TTLL11: variants seen among roughly 807,000 people sequenced by gnomAD.
TTLL11 encodes tubulin polyglutamylase TTLL11.
Under a neutral mutation model 51.7 loss-of-function variants are expected in TTLL11, and 42 were observed. The ratio of observed to expected loss-of-function variants is 0.81; its 90% CI spans 0.64 to 1.05. The LOEUF is 1.05. Ranked by LOEUF, TTLL11 falls within the 50% of genes least tolerant of loss-of-function variation. The probability of loss-of-function intolerance (pLI) is 0.00; values close to 1 mark genes in which losing one functional copy is unlikely to be tolerated. For synonymous variants in TTLL11, 381 were observed against 383.5 expected (o/e 0.99, Z 0.08); for missense variants, 799 against 940.4 (o/e 0.85, Z 1.97).
intron 8 of TTLL11, among the ~76,000 whole-genome samples, chr9:121,855,906 C>G (rs975857062): frequency 1.1e-4 from 16 of 152,218 alleles, no homozygotes; most frequent in Non-Finnish European, 2.2e-4. Flanking sequence ...TCTTAACCCT[C>G]ACAGCAACCT....
At chr9:121,896,702 G>A (rs1411755635) in intron 6 of TTLL11, among the ~76,000 whole-genome samples, 5 of 152,258 alleles carry the variant, frequency 3.3e-5, no homozygotes, top group African/African-American at 1.2e-4. Flanking sequence ...GGATGACTAC[G>A]CAGACCCTGG....
intron 6 of TTLL11, among the ~76,000 whole-genome samples, chr9:121,892,852 G>A (rs1045690038): frequency 3.3e-5 from 5 of 152,164 alleles, no homozygotes; most frequent in Non-Finnish European, 7.3e-5. Flanking sequence ...GAAGGAGGCC[G>A]CTGTGGGAGC....
intron 8 of TTLL11, among the ~76,000 whole-genome samples, chr9:121,826,897 G>A (rs1836826523): frequency 6.6e-6 from 1 of 152,054 alleles, no homozygotes. Context: ...CTGTGGGGCA[G>A]GGAGGCAGGG....
At chr9:122,018,746 C>G (rs1844071113) in intron 3 of TTLL11, among the ~76,000 whole-genome samples, 1 of 152,208 alleles carries the variant, frequency 6.6e-6, no homozygotes, top group African/African-American at 2.4e-5. Flanking sequence ...TTCAAATTGA[C>G]TTCACTATGT....
At chr9:122,003,592 C>T (rs1198428691) in intron 3 of TTLL11, among the ~76,000 whole-genome samples, 3 of 147,240 alleles carry the variant, frequency 2.0e-5, no homozygotes, top group African/African-American at 7.6e-5. Context: ...TCAAGCGATT[C>T]TCCTTCCTCA....
At chr9:122,092,563 C>T (rs904855262) in intron 1 of TTLL11, 124 bp downstream of exon 1, 2 of 1,450,856 alleles carry the variant, frequency 1.4e-6, no homozygotes, top group Non-Finnish European at 1.8e-6. Context: ...CAAGCAGGCC[C>T]GAGCGTGGTG....
At position 121,866,378 on chromosome 9, in the gene TTLL11, G is replaced by A. The variant is rs573774097; in HGVS notation, c.1733+4119C>T. Among the ~76,000 whole-genome samples, 3 of 152,238 alleles carry A rather than the reference G, an allele frequency of 2.0e-5. No individual in the cohort carries two copies. The South Asian group carries it at 6.2e-4, about 32-fold the overall frequency. On this transcript the variant is annotated intron_variant, in intron 7 of 8. Transcript: ENST00000321582. ...TGGCACATTTGAAAAAGAAAAATCC[G>A]GCCGGGTGCAGTGGTTCATGCCTGT...
At chr9:121,924,910 C>T (rs1332478985) in intron 6 of TTLL11, among the ~76,000 whole-genome samples, 1 of 151,938 alleles carries the variant, frequency 6.6e-6, no homozygotes, top group African/African-American at 2.4e-5. Flanking sequence ...TGGAAGTGAG[C>T]CAAAATGTCT....
rs558693909 is a variant in TTLL11, at chr9:121,981,709, C to A, written c.1270-6730G>T. On this transcript the variant is annotated intron_variant, in intron 4 of 8. Coordinates refer to ENST00000321582, the MANE Select transcript of TTLL11 (RefSeq NM_001139442.2). ...TTTTGGCAGTCAGTTATTTGCAAAT[C>A]AGCCTGATGCCTTCAAAGCCTTTTG... Among the ~76,000 whole-genome samples the A allele has an allele frequency of 3.9e-5, 6 of 152,290 alleles. No individual in the cohort carries two copies. The East Asian group carries it at 1.2e-3, about 29-fold the overall frequency.
Position 121,853,499 on chromosome 9 carries a change from T to C in TTLL11, c.1840+6838A>G, listed in dbSNP as rs1264760059. ...GCCTGAGGGGGCCGGCCATTCTGGC[T>C]GGAGTGAGTGTGAGGCTAGTGATGA... On this transcript the variant is annotated intron_variant, in intron 8 of 8. Coordinates refer to ENST00000321582, the MANE Select transcript of TTLL11 (RefSeq NM_001139442.2). This position sits in a 1 kb window ranked among gnomAD's most constrained non-coding sequence, Gnocchi z 5.6. 1.3e-5 allele frequency among the ~76,000 whole-genome samples: 2 copies of C among 151,978 alleles called. No individual in the cohort carries two copies. Among genetic ancestry groups the C allele is most frequent in the Admixed American group, 1.3e-4 (2 of 15,286 alleles).
At chr9:121,823,031 TCACA>T (rs974748580) in intron 8 of TTLL11, among the ~76,000 whole-genome samples, 152 bp from the exon 9 acceptor site, 2 of 152,152 alleles carry the variant, frequency 1.3e-5, no homozygotes, top group Admixed American at 6.5e-5. Flanking sequence ...GCTAACTCAC[TCACA>T]GAGTGCCCAC....
chr9:121,868,196 C>G (rs949536218), intron 7 of TTLL11, among the ~76,000 whole-genome samples: 4 of 152,126 alleles, frequency 2.6e-5, no homozygotes, highest in Admixed American at 2.6e-4. Context: ...TCATAATTCT[C>G]CGGGGCCCCA....
chr9:121,922,760 A>AGTGTGCGT (rs1840588332), intron 6 of TTLL11, among the ~76,000 whole-genome samples: 1 of 148,222 alleles, frequency 6.7e-6, no homozygotes, highest in Non-Finnish European at 1.5e-5. Flanking sequence ...ATATCTATTC[A>AGTGTGCGT]GTGTGTGTGT....
chr9:121,870,227 G>A (rs935678179), intron 7 of TTLL11, among the ~76,000 whole-genome samples: 2 of 152,256 alleles, frequency 1.3e-5, no homozygotes, highest in South Asian at 2.1e-4. Flanking sequence ...ATTAATATGC[G>A]TTTTCAGGAC....
chr9:121,870,730 T>C lies in TTLL11; in HGVS notation c.1500A>G (p.Lys500=), dbSNP rs898600880. ...AAGCATCTTCCTTTCCAGCGAATGG[T>C]TTTTCAAGCTGCTGAGACCTGAAGC... ...KRENQSQQLE[K]PFAGKEDALD... Residue 500 remains lysine, a synonymous_variant, in exon 7 of 9, where the codon AAA becomes AAG. Coordinates refer to ENST00000321582, the MANE Select transcript of TTLL11 (RefSeq NM_001139442.2). 3.2e-6 allele frequency: 5 copies of C among 1,548,038 alleles called. No homozygotes were observed. The Admixed American group carries it at 7.9e-5, about 24-fold the overall frequency.
At chr9:122,004,779 A>C (rs924470528) in intron 3 of TTLL11, among the ~76,000 whole-genome samples, 1 of 152,222 alleles carries the variant, frequency 6.6e-6, no homozygotes, top group Non-Finnish European at 1.5e-5. Context: ...TCTTTCCATG[A>C]CACCACGTTG....
intron 6 of TTLL11, among the ~76,000 whole-genome samples, chr9:121,915,990 TACACACACACACACAC>T (rs59554930): frequency 2.2e-5 from 3 of 134,330 alleles, no homozygotes; most frequent in African/African-American, 6.1e-5. Context: ...GACACACACA[TACACACACACACACAC>T]ACACACACAC....
chr9:122,069,272 G>A (rs921801121), intron 1 of TTLL11, among the ~76,000 whole-genome samples: 8 of 152,146 alleles, frequency 5.3e-5, no homozygotes, highest in East Asian at 1.9e-4. Context: ...GAGACTCCCC[G>A]AGTACTTAAG....
At chr9:122,007,504 A>G (rs1025777846) in intron 3 of TTLL11, among the ~76,000 whole-genome samples, 2 of 148,856 alleles carry the variant, frequency 1.3e-5, no homozygotes, top group African/African-American at 2.5e-5. Flanking sequence ...AAAAGAAAAG[A>G]AAAAAAAAAG....
Sources: allele counts gnomAD v4.1 joint callset (sites outside exome capture counted in the v4.1 genomes callset), GRCh38; gene constraint gnomAD v4.1.1; non-coding constraint Gnocchi (gnomAD v3.1); transcripts MANE v1.5; gene names NCBI Gene and HGNC (gene_info 2026-07-23, HGNC 2026-07-21).